The following USP35 variants were observed in gnomAD, a reference collection of about 807,000 sequenced individuals.
USP35 encodes ubiquitin specific peptidase 35.
USP35 carries 69 observed loss-of-function variants against 83.8 expected under a neutral mutation model. The observed-to-expected ratio is 0.82, with a 90% CI of 0.68 to 1.01. The LOEUF (loss-of-function observed/expected upper bound fraction) is 1.01. USP35 is among the 50% of genes least tolerant of loss of function. USP35 has a pLI of 0.00. For synonymous variants in USP35, 714 were observed against 589.5 expected (o/e 1.21, Z -3.06); for missense variants, 1,503 against 1,362.5 (o/e 1.10, Z -1.62).
chr11:78,220,894 C>A, the USP35 span, among the ~76,000 whole-genome samples: 3 of 152,296 alleles, frequency 2.0e-5, no homozygotes, highest in African/African-American at 7.2e-5. Context: ...GGAAAGTTTT[C>A]TTCTGTCGCA....
the USP35 span, chr11:78,226,955 G>A: frequency 2.8e-5 from 45 of 1,613,310 alleles, no homozygotes; most frequent in African/African-American, 5.2e-4. Context: ...CACTGATCCC[G>A]TTGACACAGT....
At chr11:78,231,336 G>GTGGTGTGTGTGTGTGTGT in the USP35 span, among the ~76,000 whole-genome samples, 25 of 145,900 alleles carry the variant, frequency 1.7e-4, no homozygotes, top group African/African-American at 6.2e-4. Context: ...GCGCGTGTGT[G>GTGGTGTGTGTGTGTGTGT]GTGTGTGTGT....
the USP35 span, among the ~76,000 whole-genome samples, chr11:78,236,191 G>A: frequency 2.6e-5 from 4 of 152,026 alleles, no homozygotes; most frequent in Non-Finnish European, 5.9e-5. Context: ...AGTATTCCAC[G>A]TTTTCTGGTA....
chr11:78,235,920 C>T, the USP35 span, among the ~76,000 whole-genome samples: 2 of 152,208 alleles, frequency 1.3e-5, no homozygotes, highest in East Asian at 3.8e-4. Flanking sequence ...TTCAGCAACG[C>T]CCCACTCTAC....
chr11:78,191,818 ACTCATGACAGCCCGGCC>A, intron 1 of USP35, among the ~76,000 whole-genome samples: 1 of 145,914 alleles, frequency 6.9e-6, no homozygotes, highest in African/African-American at 2.5e-5. Context: ...CCAAAAATAG[ACTCATGACAGCCCGGCC>A]CTCATCTTTT....
chr11:78,221,827 G>A, the USP35 span: 1 of 1,346,478 alleles, frequency 7.4e-7, no homozygotes, highest in Non-Finnish European at 1.1e-6. Context: ...CATGGCTGCT[G>A]CCATGTTTCT....
At chr11:78,194,848 C>T (rs1374968511) in intron 1 of USP35, among the ~76,000 whole-genome samples, 1 of 152,174 alleles carries the variant, frequency 6.6e-6, no homozygotes, top group South Asian at 2.1e-4. Context: ...GAACCATATA[C>T]AGCATTGGAG....
chr11:78,189,349 A>G (rs1408164875), intron 1 of USP35, among the ~76,000 whole-genome samples, 192 bp downstream of exon 1: 1 of 152,118 alleles, frequency 6.6e-6, no homozygotes, highest in East Asian at 1.9e-4. Context: ...TCCCTTCATC[A>G]ATTGTATGTC....
chr11:78,197,967 C>T lies in USP35; in HGVS notation c.705C>T (p.Ser235=), dbSNP rs756895989. ...AGCCACCATCTAGCGCCCTGGCCAG[C>T]GTGGTCCAGCACCTCCCATTGGAGC... ...EEEPPSSALA[S]VVQHLPLELM... Residue 235 remains serine (S), a synonymous_variant, in exon 3 of 11, where the codon AGC becomes AGT. Coordinates refer to ENST00000529308, the MANE Select transcript of USP35 (RefSeq NM_020798.4). 1.1e-5 allele frequency: 17 copies of T among 1,614,082 alleles called. No individual in the cohort carries two copies. The East Asian group carries it at 1.1e-4, about 11-fold the overall frequency.
chr11:78,219,986 G>T (rs1864339004), downstream of USP35, among the ~76,000 whole-genome samples: 3 of 152,128 alleles, frequency 2.0e-5, no homozygotes, highest in African/African-American at 7.2e-5. Flanking sequence ...AGGACCAGGA[G>T]GCAGTATCCT....
intron 7 of USP35, among the ~76,000 whole-genome samples, chr11:78,206,662 G>T (rs528668179): frequency 6.6e-6 from 1 of 152,320 alleles, no homozygotes; most frequent in East Asian, 1.9e-4. Flanking sequence ...CCAGTCTGCT[G>T]CAGAATATTA....
chr11:78,231,110 T>A, the USP35 span, among the ~76,000 whole-genome samples: 18 of 152,174 alleles, frequency 1.2e-4, no homozygotes, highest in African/African-American at 4.3e-4. Flanking sequence ...TTTCACATTA[T>A]CAGATGAGGA....
At position 78,196,795 on chromosome 11, in the gene USP35, G is replaced by C; in HGVS notation, c.550G>C (p.Gly184Arg). ...RFRCPAEGEE[G>R]AVEFLEQAQQ... ...CCGCTGCCCAGCCGAAGGCGAGGAG[G>C]GCGCCGTGGAGTTCCTAGAGCAGGC... Residue 184 changes from glycine to arginine, a missense_variant, in exon 2 of 11, where the codon GGC becomes CGC. Coordinates refer to ENST00000529308, the MANE Select transcript of USP35 (RefSeq NM_020798.4). The surrounding 1 kb of genome is among the most constrained non-coding windows in gnomAD (Gnocchi z 4.8). The C allele has an allele frequency of 1.3e-6, 2 of 1,534,202 alleles. No homozygotes were observed. Among genetic ancestry groups the C allele is most frequent in the Non-Finnish European group, 1.7e-6 (2 of 1,145,874 alleles).
At chr11:78,215,403 C>T (rs1321297622), downstream of USP35, 2 of 152,624 alleles carry the variant, frequency 1.3e-5, no homozygotes, top group East Asian at 3.8e-4. Context: ...AAACATGACC[C>T]ACTTGAACAC....
At chr11:78,227,631 CAA>C in the USP35 span, among the ~76,000 whole-genome samples, 342 of 105,966 alleles carry the variant, frequency 3.2e-3, 9 homozygotes, top group Middle Eastern at 0.015. Flanking sequence ...CCATTGCCAC[CAA>C]AAAAAAAAAA....
intron 1 of USP35, among the ~76,000 whole-genome samples, chr11:78,189,646 C>A (rs1392082439): frequency 1.3e-5 from 2 of 152,158 alleles, no homozygotes; most frequent in Non-Finnish European, 2.9e-5. Context: ...TGGTGCCCTT[C>A]CTTCCAGAAA....
At chr11:78,232,695 T>C in the USP35 span, among the ~76,000 whole-genome samples, 1 of 152,204 alleles carries the variant, frequency 6.6e-6, no homozygotes, top group Admixed American at 6.5e-5. Context: ...ACAGTTTTAT[T>C]TCTAAGGTGC....
At chr11:78,203,679 C>G (rs186713988) in intron 6 of USP35, among the ~76,000 whole-genome samples, 1 of 151,044 alleles carries the variant, frequency 6.6e-6, no homozygotes, top group African/African-American at 2.4e-5. Flanking sequence ...CCCAGGTTCA[C>G]GCCATTCTCT....
the USP35 span, among the ~76,000 whole-genome samples, chr11:78,230,284 C>T: frequency 6.6e-6 from 1 of 152,234 alleles, no homozygotes; most frequent in Admixed American, 6.5e-5. Context: ...ACCCCGGCAT[C>T]CTCCTGTCTC....
Sources: allele counts gnomAD v4.1 joint callset (sites outside exome capture counted in the v4.1 genomes callset), GRCh38; gene constraint gnomAD v4.1.1; non-coding constraint Gnocchi (gnomAD v3.1); transcripts MANE v1.5; gene names NCBI Gene and HGNC (gene_info 2026-07-23, HGNC 2026-07-21).